Variants in SPATS2L observed in about 807,000 individuals in gnomAD.
The protein encoded by SPATS2L is spermatogenesis associated serine rich 2 like, also known as SPATS2-like protein.
In SPATS2L, 30 loss-of-function variants were observed where a neutral mutation model predicts 59.6. That is an observed-to-expected ratio of 0.50 (90% CI 0.38 to 0.68). SPATS2L has a LOEUF of 0.68. Ranked by LOEUF, SPATS2L falls within the 30% of genes least tolerant of loss-of-function variation. SPATS2L has a pLI of 0.00. For missense variants in SPATS2L, 615 were observed against 700.0 expected, an observed-to-expected ratio of 0.88 and a Z score of 1.37; for synonymous variants, 252 against 263.5, an observed-to-expected ratio of 0.96 and a Z score of 0.42.
At chr2:200,373,566 T>C (rs1475654794) in intron 2 of SPATS2L, among the ~76,000 whole-genome samples, 1 of 152,236 alleles carries the variant, frequency 6.6e-6, no homozygotes, top group Non-Finnish European at 1.5e-5. Flanking sequence ...GTCTTTTCAG[T>C]GTCTGGTTAT....
chr2:200,416,332 T>G, intron 4 of SPATS2L, 47 bp from the exon 5 acceptor site: 2 of 966,818 alleles, frequency 2.1e-6, no homozygotes, highest in Non-Finnish European at 2.9e-6. Context: ...TTTTGTGTGG[T>G]GTTTTATGAT....
chr2:200,449,165 ATTT>A (rs2085269211), intron 8 of SPATS2L, among the ~76,000 whole-genome samples: 1 of 152,010 alleles, frequency 6.6e-6, no homozygotes, highest in South Asian at 2.1e-4. Context: ...CTCTTTTCCT[ATTT>A]TCTTTCTTCC....
At chr2:200,405,605 T>C (rs1231346237) in intron 3 of SPATS2L, among the ~76,000 whole-genome samples, 3 of 152,186 alleles carry the variant, frequency 2.0e-5, no homozygotes, top group Non-Finnish European at 4.4e-5. Context: ...CATTACTGTG[T>C]AGATAATATT....
intron 5 of SPATS2L, among the ~76,000 whole-genome samples, chr2:200,417,290 A>T (rs2278514): frequency 0.36 from 54,676 of 151,954 alleles, 10,165 homozygotes; most frequent in East Asian, 0.56. Context: ...TACTGAAATT[A>T]CAGGAATCAT....
At chr2:200,402,588 G>A (rs1475633936) in intron 3 of SPATS2L, among the ~76,000 whole-genome samples, 1 of 152,126 alleles carries the variant, frequency 6.6e-6, no homozygotes, top group Non-Finnish European at 1.5e-5. Context: ...ACTAGGACAG[G>A]TCCCCTGTTA....
intron 2 of SPATS2L, among the ~76,000 whole-genome samples, chr2:200,334,170 T>C (rs1221949663): frequency 6.6e-6 from 1 of 152,126 alleles, no homozygotes; most frequent in Non-Finnish European, 1.5e-5. Flanking sequence ...ACCTGTTGTT[T>C]CCTGACTTTT....
intron 2 of SPATS2L, among the ~76,000 whole-genome samples, chr2:200,350,680 C>T (rs1345919178): frequency 6.6e-6 from 1 of 152,052 alleles, no homozygotes; most frequent in African/African-American, 2.4e-5. Flanking sequence ...TGTGCCACCA[C>T]ACCCAGCTAT....
At chr2:200,332,425 T>TA (rs1487952229) in intron 2 of SPATS2L, among the ~76,000 whole-genome samples, 6 of 152,114 alleles carry the variant, frequency 3.9e-5, no homozygotes, top group Non-Finnish European at 5.9e-5. Context: ...TTTTATTTTT[T>TA]ATAGAGATAG....
chr2:200,344,987 T>C (rs1469388572), intron 2 of SPATS2L, among the ~76,000 whole-genome samples: 1 of 152,252 alleles, frequency 6.6e-6, no homozygotes, highest in East Asian at 1.9e-4. Context: ...GCTGCATAGT[T>C]TGCAAATATT....
intron 2 of SPATS2L, among the ~76,000 whole-genome samples, chr2:200,361,449 T>A (rs2081104143): frequency 6.6e-6 from 1 of 152,168 alleles, no homozygotes; most frequent in Non-Finnish European, 1.5e-5. Context: ...AAAATTAAAA[T>A]CTATCCAATT....
chr2:200,365,529 T>C (rs978929702), intron 2 of SPATS2L, among the ~76,000 whole-genome samples: 1 of 152,228 alleles, frequency 6.6e-6, no homozygotes, highest in Admixed American at 6.5e-5. Context: ...ATGATCAGAC[T>C]CTACCGTGAT....
intron 3 of SPATS2L, among the ~76,000 whole-genome samples, chr2:200,393,798 G>C (rs1336729999): frequency 6.6e-6 from 1 of 152,140 alleles, no homozygotes. Context: ...AATAACAACT[G>C]TTATGTCTTA....
At chr2:200,411,119 A>G (rs1035369735) in intron 3 of SPATS2L, among the ~76,000 whole-genome samples, 22 of 151,880 alleles carry the variant, frequency 1.4e-4, no homozygotes, top group Admixed American at 9.8e-4. Context: ...TTTCTAATCT[A>G]TAGTGTCAGC....
intron 1 of SPATS2L, among the ~76,000 whole-genome samples, chr2:200,315,792 T>C (rs911372901): frequency 1.3e-5 from 2 of 150,336 alleles, no homozygotes; most frequent in African/African-American, 2.5e-5. Context: ...AGATAGCACC[T>C]GTTGCCTTAA....
intron 1 of SPATS2L, among the ~76,000 whole-genome samples, chr2:200,329,073 C>T (rs1250218449): frequency 6.6e-6 from 1 of 152,108 alleles, no homozygotes; most frequent in Non-Finnish European, 1.5e-5. Flanking sequence ...CTATGTGAAG[C>T]CCTAGAACAA....
chr2:200,452,212 A>G (rs987574477), intron 8 of SPATS2L, among the ~76,000 whole-genome samples: 5 of 152,262 alleles, frequency 3.3e-5, no homozygotes, highest in African/African-American at 9.6e-5. Context: ...AACTGAACTA[A>G]TAAGTAATTA....
chr2:200,431,787 T>C (rs1183873787), intron 6 of SPATS2L, among the ~76,000 whole-genome samples: 1 of 152,366 alleles, frequency 6.6e-6, no homozygotes, highest in Non-Finnish European at 1.5e-5. Flanking sequence ...ATGAAAACTT[T>C]TGAATCCAAG....
intron 4 of SPATS2L, among the ~76,000 whole-genome samples, chr2:200,414,751 G>A (rs1234099645): frequency 6.6e-6 from 1 of 152,146 alleles, no homozygotes; most frequent in Non-Finnish European, 1.5e-5. Context: ...ACTCCAAGCC[G>A]TTTCAGTATA....
intron 8 of SPATS2L, among the ~76,000 whole-genome samples, chr2:200,452,006 CA>C (rs2085489463): frequency 6.6e-6 from 1 of 152,064 alleles, no homozygotes; most frequent in African/African-American, 2.4e-5. Context: ...CCATGTTGGC[CA>C]GGCTGGTCTT....
Sources: gnomAD v4.1 joint callset for allele counts (sites outside exome capture counted in the v4.1 genomes callset) on GRCh38, gnomAD v4.1.1 for gene constraint, MANE v1.5 for transcripts, NCBI Gene and HGNC (gene_info 2026-07-23, HGNC 2026-07-21) for gene names.